The following SLC2A12 variants were observed in gnomAD, a reference collection of about 807,000 sequenced individuals.
SLC2A12 encodes solute carrier family 2, facilitated glucose transporter member 12.
Under a neutral mutation model 41.8 loss-of-function variants are expected in SLC2A12, and 23 were observed. The observed-to-expected ratio is 0.55, with a 90% CI of 0.40 to 0.78. The LOEUF is 0.78. Ranked by LOEUF, SLC2A12 falls within the 30% of genes least tolerant of loss-of-function variation. The pLI is 0.00. For missense variants in SLC2A12, 654 were observed against 745.6 expected (o/e 0.88, Z 1.43); for synonymous variants, 295 against 285.9 (o/e 1.03, Z -0.32).
rs190825268 is a variant in SLC2A12, at chr6:134,026,096, C to A, written c.1444+2285G>T. Among the ~76,000 whole-genome samples the A allele has an allele frequency of 1.3e-3, 205 of 152,202 alleles. 1 individual carries two copies. The highest frequency in any genetic ancestry group is 4.3e-3 in the African/African-American group (180 of 41,532). On this transcript the variant is annotated intron_variant, in intron 2 of 4. Transcript: ENST00000275230. Reference sequence around the variant, plus strand: ...ATCATAATATGTGCCATGACATATACCCTTTTAACCTGAGAGGTTTTCTGA... The same window carrying A: ...ATCATAATATGTGCCATGACATATAACCTTTTAACCTGAGAGGTTTTCTGA...
chr6:134,009,316 T>TC (rs1198444426), intron 2 of SLC2A12: 2 of 152,192 alleles, frequency 1.3e-5, no homozygotes, highest in Admixed American at 1.3e-4. Context: ...CTTCCCTCAG[T>TC]CTCTGTTCGA....
chr6:134,024,528 T>G (rs940110409), intron 2 of SLC2A12, among the ~76,000 whole-genome samples: 2 of 152,242 alleles, frequency 1.3e-5, no homozygotes, highest in Non-Finnish European at 2.9e-5. Context: ...TGCCGTATCA[T>G]TCACAGCAGT....
intron 1 of SLC2A12, among the ~76,000 whole-genome samples, chr6:134,044,905 T>C (rs949037662): frequency 1.3e-5 from 2 of 152,168 alleles, no homozygotes; most frequent in African/African-American, 4.8e-5. Flanking sequence ...GTGCCAGCAC[T>C]GTCTGGCAGG....
chr6:134,011,527 G>T (rs1776883974), intron 2 of SLC2A12, among the ~76,000 whole-genome samples: 1 of 152,100 alleles, frequency 6.6e-6, no homozygotes, highest in Non-Finnish European at 1.5e-5. Context: ...GGAGGCTGAG[G>T]CAGGAAGATT....
chr6:134,031,857 A>G (rs1391995122), intron 1 of SLC2A12, among the ~76,000 whole-genome samples: 1 of 152,224 alleles, frequency 6.6e-6, no homozygotes, highest in African/African-American at 2.4e-5. Flanking sequence ...TTAAAGCCAC[A>G]GGAATGGGTG....
intron 1 of SLC2A12, among the ~76,000 whole-genome samples, chr6:134,031,442 C>G (rs115657552): frequency 1.3e-5 from 2 of 151,850 alleles, no homozygotes; most frequent in African/African-American, 2.4e-5. Flanking sequence ...AAACATTACA[C>G]TTGTTCAAGA....
rs570332870 is a variant in SLC2A12 at position 134,018,877 on chromosome 6, G to A, written c.1444+9504C>T. ...AGACACATGTGCTGGATGTGTGAGT[G>A]AATCAATGAATCCCTACCACTTCTC... On this transcript the variant is annotated intron_variant, in intron 2 of 4. Transcript: ENST00000275230. 4.3e-4 allele frequency among the ~76,000 whole-genome samples: 65 copies of A among 152,248 alleles called. 2 individuals carry two copies. In the South Asian group the frequency reaches 0.013, roughly 31 times the overall value.
rs200249148 is a variant in SLC2A12, at chr6:133,987,648, G to GTGTGTATATATATATA, written c.*3506_*3507insTATATATATATACACA. ...TTTGTGTGTGTGTGTGTGTGTGTGT[G>GTGTGTATATATATATA]TATATATATATATATATATGCACCA... On this transcript the variant is annotated 3_prime_UTR_variant, in exon 5 of 5. Coordinates refer to ENST00000275230, the MANE Select transcript of SLC2A12 (RefSeq NM_145176.3). 2.3e-5 allele frequency: 2 copies of GTGTGTATATATATATA among 88,320 alleles called. No homozygotes were observed. Among genetic ancestry groups the GTGTGTATATATATATA allele is most frequent in the Admixed American group, 1.1e-4 (1 of 9,426 alleles). The allele number at this position is 88,320 out of a possible 1,614,324, so 5.5% of individuals were successfully genotyped here.
chr6:134,019,208 TA>T (rs546933066), intron 2 of SLC2A12, among the ~76,000 whole-genome samples: 2 of 152,082 alleles, frequency 1.3e-5, no homozygotes, highest in South Asian at 2.1e-4. Flanking sequence ...ATAATTATTA[TA>T]AAAAAAACAG....
intron 4 of SLC2A12, among the ~76,000 whole-genome samples, chr6:134,001,236 A>T (rs1776750795): frequency 6.6e-6 from 1 of 152,210 alleles, no homozygotes. Context: ...GGGTGCACCA[A>T]AATCTCACGA....
At chr6:133,999,613 C>G (rs1776732114) in intron 4 of SLC2A12, among the ~76,000 whole-genome samples, 1 of 152,164 alleles carries the variant, frequency 6.6e-6, no homozygotes, top group Non-Finnish European at 1.5e-5. Flanking sequence ...GGATGAGAAG[C>G]CACTGGGGAG....
intron 1 of SLC2A12, among the ~76,000 whole-genome samples, chr6:134,049,587 A>C (rs1773645509): frequency 1.3e-5 from 2 of 152,174 alleles, no homozygotes. Context: ...AACTCTAGGC[A>C]CCAGAATTTC....
At chr6:134,035,801 T>G (rs1416248516) in intron 1 of SLC2A12, among the ~76,000 whole-genome samples, 1 of 152,204 alleles carries the variant, frequency 6.6e-6, no homozygotes, top group Non-Finnish European at 1.5e-5. Flanking sequence ...CAATGACAAT[T>G]CTTTATTAAG....
chr6:133,991,403 A>G, intron 4 of SLC2A12, 95 bp from the exon 5 acceptor site: 1 of 1,331,700 alleles, frequency 7.5e-7, no homozygotes, highest in African/African-American at 1.5e-5. Flanking sequence ...TGGGGCTTTA[A>G]TGTTTTAGCT....
chr6:134,037,257 T>C (rs754985408), intron 1 of SLC2A12, among the ~76,000 whole-genome samples: 1 of 148,074 alleles, frequency 6.8e-6, no homozygotes, highest in African/African-American at 2.5e-5. Flanking sequence ...CAGGTTCAAG[T>C]GATGCTCCTT....
chr6:134,052,559 C>A lies in SLC2A12; in HGVS notation c.-79G>T. 9.3e-7 allele frequency: 1 copy of A among 1,072,476 alleles called. No individual in the cohort carries two copies. Among genetic ancestry groups the A allele is most frequent in the Non-Finnish European group, 1.4e-6 (1 of 709,936 alleles). 66.4% of individuals were successfully genotyped at this position (1,072,476 alleles called of 1,614,324 possible). The stretch of plus-strand genomic sequence containing the variant: ...CCGCTCCCAGGAGTGGTCACTTTCC[C>A]CATAATAGCATGCTAAAGAAGAGTG... On this transcript the variant is annotated 5_prime_UTR_variant, in exon 1 of 5. Coordinates refer to ENST00000275230, the MANE Select transcript of SLC2A12 (RefSeq NM_145176.3).
At chr6:133,991,797 C>A (rs1412777430) in intron 4 of SLC2A12, among the ~76,000 whole-genome samples, 2 of 152,174 alleles carry the variant, frequency 1.3e-5, no homozygotes. Context: ...TTTTCAAATA[C>A]CTTTTTCTGT....
chr6:134,040,332 G>A (rs1044207828), intron 1 of SLC2A12, among the ~76,000 whole-genome samples: 1 of 152,114 alleles, frequency 6.6e-6, no homozygotes, highest in Non-Finnish European at 1.5e-5. Flanking sequence ...TCCCACCTCA[G>A]CCTCCCAAAG....
intron 1 of SLC2A12, among the ~76,000 whole-genome samples, chr6:134,030,233 C>T (rs1232855847): frequency 1.3e-5 from 2 of 152,138 alleles, no homozygotes; most frequent in African/African-American, 4.8e-5. Flanking sequence ...GGAAACTTGC[C>T]CTCTTATCTC....
Sources: allele counts gnomAD v4.1 joint callset (sites outside exome capture counted in the v4.1 genomes callset), GRCh38; gene constraint gnomAD v4.1.1; transcripts MANE v1.5; gene names NCBI Gene and HGNC (gene_info 2026-07-23, HGNC 2026-07-21).